Variants in SEH1L observed in about 807,000 individuals in gnomAD.
SEH1L encodes the protein nucleoporin SEH1.
In SEH1L, 18 loss-of-function variants were observed where a neutral mutation model predicts 49.5. The observed-to-expected ratio is 0.36, with a 90% CI of 0.25 to 0.54. The LOEUF (loss-of-function observed/expected upper bound fraction) is 0.54. SEH1L is among the 20% of genes least tolerant of loss of function. The pLI is 0.87. For synonymous variants in SEH1L, 169 were observed against 178.1 expected (o/e 0.95, Z 0.41); for missense variants, 404 against 528.8 (o/e 0.76, Z 2.31).
Position 12,963,376 on chromosome 18 carries a change from G to C in SEH1L, c.521+5G>C, listed in dbSNP as rs1568216357. ...TATTTCTTGGAACCCTTCAAGGTAAGTTTACATATTAAACCTCTGATAACA... is the reference window on the plus strand; with the variant it reads ...TATTTCTTGGAACCCTTCAAGGTAACTTTACATATTAAACCTCTGATAACA... On this transcript the variant is annotated splice_donor_5th_base_variant and intron_variant, in intron 4 of 8. Transcript: ENST00000399892. 6.2e-7 allele frequency: 1 copy of C among 1,606,596 alleles called. No individual in the cohort carries two copies. The highest frequency in any genetic ancestry group is 2.2e-5 in the East Asian group (1 of 44,816).
rs1427941004 is a variant in SEH1L, at chr18:12,948,279, G to T, written c.111+47G>T. 3 of 1,381,576 alleles carry T rather than the reference G, an allele frequency of 2.2e-6. No individual in the cohort carries two copies. The South Asian group carries it at 3.5e-5, about 16-fold the overall frequency. The allele number at this position is 1,381,576 out of a possible 1,614,324, so 85.6% of individuals were successfully genotyped here. On this transcript the variant is annotated intron_variant, in intron 1 of 8. Transcript: ENST00000399892. ...GGGGCCGACCCCGGAAGGAAGGAAG[G>T]GGAGTGGGTGGGCGGCGCGGGGAAC... is the stretch of plus-strand genomic sequence containing the variant.
At position 12,948,305 on chromosome 18, in the gene SEH1L, G is replaced by C. The variant is rs1434524217; in HGVS notation, c.111+73G>C. On this transcript the variant is annotated intron_variant, in intron 1 of 8. Coordinates refer to ENST00000399892, the MANE Select transcript of SEH1L (RefSeq NM_001013437.2). ...GGAGTGGGTGGGCGGCGCGGGGAAC[G>C]GGGCTGTGTCTTGGTTCAGTGACGC... 9 of 1,106,522 alleles carry C rather than the reference G, an allele frequency of 8.1e-6. No individual in the cohort carries two copies. In the South Asian group the frequency reaches 1.0e-4, roughly 13 times the overall value. 68.5% of individuals were successfully genotyped at this position (1,106,522 alleles called of 1,614,324 possible).
chr18:12,978,777 A>C lies in SEH1L; in HGVS notation c.646A>C (p.Met216Leu), dbSNP rs776631192. ...GAAATATGCAAAAGCTGAAACTCTT[A>C]TGACAGTCACTGATCCTGTTCATGA... ...TRKYAKAETL[M>L]TVTDPVHDIA... The change falls in exon 6 of 9, where the codon ATG (methionine) becomes CTG (leucine). Residue 216 changes from methionine (M) to leucine (L), a missense_variant. By Grantham distance (15) the Met-to-Leu change is conservative. Coordinates refer to ENST00000399892, the MANE Select transcript of SEH1L (RefSeq NM_001013437.2). The C allele has an allele frequency of 6.2e-7, 1 of 1,613,232 alleles. No homozygotes were observed.
intron 2 of SEH1L, among the ~76,000 whole-genome samples, chr18:12,952,192 TA>T (rs71174156): frequency 0.38 from 54,160 of 142,148 alleles, 10,264 homozygotes; most frequent in Middle Eastern, 0.5. Context: ...AGTTTTCTCT[TA>T]AAAAAAAAAA....
At chr18:12,965,995 C>G (rs927166919) in intron 4 of SEH1L, among the ~76,000 whole-genome samples, 3 of 152,168 alleles carry the variant, frequency 2.0e-5, no homozygotes, top group African/African-American at 7.2e-5. Context: ...CCTCATTCCC[C>G]TTCTCCAGGA....
intron 8 of SEH1L, chr18:12,986,552 G>T: frequency 1.0e-6 from 1 of 969,760 alleles, no homozygotes; most frequent in Non-Finnish European, 1.2e-6. Context: ...AAAATGTTTT[G>T]AATTTATAAA....
chr18:12,985,177 A>C, intron 8 of SEH1L: 1 of 1,533,996 alleles, frequency 6.5e-7, no homozygotes, highest in Non-Finnish European at 8.9e-7. Context: ...TTGTGCCAAT[A>C]ACCATCTGTG....
In SEH1L at chr18:12,948,182, G is replaced by A; in HGVS notation, c.61G>A (p.Asp21Asn). The A allele has an allele frequency of 1.9e-6, 3 of 1,612,096 alleles. No homozygotes were observed. Among genetic ancestry groups the A allele is most frequent in the Non-Finnish European group, 2.5e-6 (3 of 1,179,428 alleles). ...HKDLIHDVSF[D>N]FHGRRMATCS... ...GGATCTCATCCACGATGTCTCTTTC[G>A]ACTTCCACGGGCGGCGGATGGCAAC... is the stretch of plus-strand genomic sequence containing the variant. The change falls in exon 1 of 9, where the codon GAC becomes AAC. Residue 21 changes from aspartate to asparagine, a missense_variant. Asp to Asn is a conservative substitution (Grantham distance 23). This residue lies in a region of SEH1L where 57 missense variants were observed against 71.9 expected (regional missense o/e 0.79). Coordinates refer to ENST00000399892, the MANE Select transcript of SEH1L (RefSeq NM_001013437.2).
chr18:12,956,925 G>A (rs983071420), intron 3 of SEH1L, among the ~76,000 whole-genome samples: 16 of 152,132 alleles, frequency 1.1e-4, no homozygotes, highest in Non-Finnish European at 2.1e-4. Context: ...AAATTAGCCC[G>A]GCATGGTGGT....
chr18:12,967,799 A>G (rs2031518154), intron 4 of SEH1L, among the ~76,000 whole-genome samples: 1 of 152,186 alleles, frequency 6.6e-6, no homozygotes, highest in Non-Finnish European at 1.5e-5. Flanking sequence ...CTGTACTCCC[A>G]GCTACTCAGG....
intron 1 of SEH1L, among the ~76,000 whole-genome samples, chr18:12,949,453 T>TTTTTTTG (rs1568206275): frequency 8.5e-6 from 1 of 118,286 alleles, no homozygotes; most frequent in African/African-American, 3.2e-5. Context: ...TTTTTTTTTT[T>TTTTTTTG]TTTTTTTTTT....
At chr18:12,956,950 C>T (rs2030899162) in intron 3 of SEH1L, among the ~76,000 whole-genome samples, 2 of 152,150 alleles carry the variant, frequency 1.3e-5, no homozygotes, top group Admixed American at 1.3e-4. Flanking sequence ...GCCTGTAAGT[C>T]CCAGCTACTC....
At chr18:12,969,381 C>T (rs1026012110) in intron 4 of SEH1L, among the ~76,000 whole-genome samples, 9 of 151,500 alleles carry the variant, frequency 5.9e-5, no homozygotes, top group African/African-American at 1.7e-4. Flanking sequence ...TAGTGAGACT[C>T]CAGTCTCAAT....
chr18:12,963,519 A>T (rs2031292762), intron 4 of SEH1L, 148 bp downstream of exon 4: 1 of 618,654 alleles, frequency 1.6e-6, no homozygotes, highest in African/African-American at 1.8e-5. Context: ...CAGGCATGTC[A>T]TTTGTCCCTG....
chr18:12,985,698 G>A, intron 8 of SEH1L: 2 of 948,646 alleles, frequency 2.1e-6, no homozygotes, highest in Non-Finnish European at 2.5e-6. Context: ...TTTGAAGATT[G>A]AATAAATATT....
chr18:12,962,121 T>G (rs1190360433), intron 3 of SEH1L, among the ~76,000 whole-genome samples: 1 of 152,118 alleles, frequency 6.6e-6, no homozygotes, highest in African/African-American at 2.4e-5. Context: ...GGTAGCTGGG[T>G]GCAGTGGCTC....
At chr18:12,978,371 G>C (rs371642314) in intron 5 of SEH1L, 23 of 161,620 alleles carry the variant, frequency 1.4e-4, no homozygotes, top group Non-Finnish European at 2.4e-4. Context: ...TGCTGGCTCC[G>C]GGAGTTCTTT....
chr18:12,962,105 G>A (rs1407728617), intron 3 of SEH1L, among the ~76,000 whole-genome samples: 1 of 152,096 alleles, frequency 6.6e-6, no homozygotes, highest in Non-Finnish European at 1.5e-5. Flanking sequence ...TCACTTAAAA[G>A]TGCATGGTAG....
intron 3 of SEH1L, among the ~76,000 whole-genome samples, chr18:12,962,154 G>A (rs1157455330): frequency 6.6e-6 from 1 of 151,872 alleles, no homozygotes; most frequent in Non-Finnish European, 1.5e-5. Context: ...CTAGCAACTC[G>A]GGAGGCTGAG....
Sources: allele counts gnomAD v4.1 joint callset (sites outside exome capture counted in the v4.1 genomes callset), GRCh38; gene constraint gnomAD v4.1.1; regional missense constraint gnomAD v4.1.1; transcripts MANE v1.5; gene names NCBI Gene and HGNC (gene_info 2026-07-23, HGNC 2026-07-21).